The following CGNL1 variants were observed in gnomAD, a reference collection of about 807,000 sequenced individuals.
CGNL1 encodes cingulin like 1.
CGNL1 carries 132 observed loss-of-function variants against 141.2 expected under a neutral mutation model. The ratio of observed to expected loss-of-function variants is 0.93; its 90% confidence interval spans 0.81 to 1.08. The LOEUF (loss-of-function observed/expected upper bound fraction) is 1.08, where lower values mean the gene tolerates loss of function less well. Among genes scored for constraint, CGNL1 ranks in the 50% least tolerant of loss-of-function variants. CGNL1 has a pLI of 0.00. For synonymous variants in CGNL1, 690 were observed against 622.1 expected, an observed-to-expected ratio of 1.11 and a Z score of -1.63; for missense variants, 1,870 against 1,588.6, an observed-to-expected ratio of 1.18 and a Z score of -3.01.
At chr15:57,499,214 G>A (rs1485217526) in intron 8 of CGNL1, among the ~76,000 whole-genome samples, 3 of 150,680 alleles carry the variant, frequency 2.0e-5, no homozygotes, top group Non-Finnish European at 4.4e-5. Context: ...ATAAACTTGG[G>A]AACTCATGAA....
In CGNL1 at chr15:57,526,479, T is replaced by TA. The variant is rs1236126142; in HGVS notation, c.3039+1737dup. On this transcript the variant is annotated intron_variant, in intron 12 of 18. Transcript: ENST00000281282. ...GATTGAGCTGGTTGAAGATCTTGGT[T>TA]AAAAAAAAACCCCAAAAGCTACAGG... Among the ~76,000 whole-genome samples the TA allele has an allele frequency of 4.0e-3, 607 of 151,056 alleles. 6 individuals carry two copies. Among genetic ancestry groups the TA allele is most frequent in the African/African-American group, 0.013 (550 of 41,152 alleles).
intron 8 of CGNL1, among the ~76,000 whole-genome samples, chr15:57,469,385 G>C (rs960351883): frequency 4.0e-5 from 6 of 150,376 alleles, no homozygotes; most frequent in African/African-American, 1.5e-4. Flanking sequence ...TCGTTGGACG[G>C]AGTGTGAGCG....
chr15:57,535,492 C>A (rs1346924895), intron 14 of CGNL1, among the ~76,000 whole-genome samples: 1 of 151,854 alleles, frequency 6.6e-6, no homozygotes, highest in Non-Finnish European at 1.5e-5. Flanking sequence ...AAGGGTAAGA[C>A]GTGAATAAAC....
At chr15:57,524,557 T>G (rs761224737) in intron 11 of CGNL1, 24 bp from the exon 12 acceptor site, 2 of 1,604,372 alleles carry the variant, frequency 1.2e-6, no homozygotes, top group Non-Finnish European at 1.7e-6. Context: ...CAGGGTGGGC[T>G]CACACCCGTG....
intron 8 of CGNL1, among the ~76,000 whole-genome samples, chr15:57,490,314 T>C (rs1283220071): frequency 2.6e-5 from 4 of 152,076 alleles, no homozygotes; most frequent in Admixed American, 2.6e-4. Context: ...TTGAAGATGA[T>C]GTTAACGTGG....
intron 1 of CGNL1, among the ~76,000 whole-genome samples, chr15:57,413,185 C>CTCTT (rs2062809990): frequency 1.3e-5 from 2 of 150,752 alleles, no homozygotes; most frequent in Non-Finnish European, 2.9e-5. Flanking sequence ...TTCTTTCTTT[C>CTCTT]TCTCTTTCTC....
At chr15:57,472,406 G>T (rs943605058) in intron 8 of CGNL1, among the ~76,000 whole-genome samples, 4 of 152,180 alleles carry the variant, frequency 2.6e-5, no homozygotes, top group African/African-American at 9.7e-5. Flanking sequence ...CCGAAGGACA[G>T]ATTTTTAGAG....
rs76748513 is a variant in CGNL1 at position 57,472,082 on chromosome 15, A to G, written c.2403+10190A>G. On this transcript the variant is annotated intron_variant, in intron 8 of 18. Transcript: ENST00000281282. The stretch of plus-strand genomic sequence containing the variant: ...CAAGACCCCCATCTCAGAAAAAAGA[A>G]AAAAATATATACATGTGTAATTCAG... Among the ~76,000 whole-genome samples the G allele has an allele frequency of 6.5e-3, 983 of 152,214 alleles. 13 individuals are homozygous for G. The highest frequency in any genetic ancestry group is 0.022 in the African/African-American group (909 of 41,522).
chr15:57,427,714 G>A (rs12901805), intron 1 of CGNL1, among the ~76,000 whole-genome samples: 15,478 of 152,250 alleles, frequency 0.1, 861 homozygotes, highest in Middle Eastern at 0.19. Flanking sequence ...AGACATCTGC[G>A]AGGATGTTCC....
intron 14 of CGNL1, among the ~76,000 whole-genome samples, chr15:57,541,105 G>A (rs528941058): frequency 1.1e-4 from 17 of 152,360 alleles, no homozygotes; most frequent in East Asian, 9.6e-4. Flanking sequence ...CCCTTACAGC[G>A]TGTCTCATTC....
In CGNL1 at chr15:57,406,775, A is replaced by T. The variant is rs552430095; in HGVS notation, c.-16+30208A>T. Among the ~76,000 whole-genome samples, 6 of 152,328 alleles carry T rather than the reference A, an allele frequency of 3.9e-5. No homozygotes were observed. The East Asian group carries it at 1.2e-3, about 29-fold the overall frequency. On this transcript the variant is annotated intron_variant, in intron 1 of 18. Transcript: ENST00000281282. ...AATCCAGAAAATTTGTAGTGAGTGTACTGAATTATTTGCCAATGATCAATA... is the reference window on the plus strand; with the variant it reads ...AATCCAGAAAATTTGTAGTGAGTGTTCTGAATTATTTGCCAATGATCAATA...
intron 14 of CGNL1, among the ~76,000 whole-genome samples, chr15:57,536,288 T>C (rs1364398790): frequency 1.3e-5 from 2 of 152,224 alleles, no homozygotes; most frequent in Admixed American, 1.3e-4. Flanking sequence ...ATGGGAGCTA[T>C]AATTCAAGAT....
At chr15:57,503,548 G>A (rs1208449936) in intron 8 of CGNL1, among the ~76,000 whole-genome samples, 3 of 152,150 alleles carry the variant, frequency 2.0e-5, no homozygotes, top group Non-Finnish European at 4.4e-5. Context: ...ATCAGCCTGC[G>A]GTGTTCCAGG....
intron 7 of CGNL1, among the ~76,000 whole-genome samples, chr15:57,459,388 A>C (rs1240507765): frequency 6.6e-6 from 1 of 152,244 alleles, no homozygotes; most frequent in Non-Finnish European, 1.5e-5. Flanking sequence ...TAAAATATAT[A>C]GAATGTAAAA....
At chr15:57,530,218 G>A (rs1334429225) in intron 13 of CGNL1, among the ~76,000 whole-genome samples, 1 of 152,232 alleles carries the variant, frequency 6.6e-6, no homozygotes, top group Non-Finnish European at 1.5e-5. Flanking sequence ...TGGTGATTGG[G>A]TTGTTAGGTC....
chr15:57,467,783 G>A (rs1169439732), intron 8 of CGNL1, among the ~76,000 whole-genome samples: 2 of 147,524 alleles, frequency 1.4e-5, no homozygotes, highest in African/African-American at 5.0e-5. Flanking sequence ...TCTGCCTCCT[G>A]GGTTCAAATG....
Position 57,475,492 on chromosome 15 carries a change from G to GGTGT in CGNL1, c.2403+13641_2403+13644dup, listed in dbSNP as rs72168222. 5.3e-3 allele frequency among the ~76,000 whole-genome samples: 782 copies of GGTGT among 147,892 alleles called. 12 individuals are homozygous for GGTGT. The highest frequency in any genetic ancestry group is 0.019 in the African/African-American group (734 of 39,666). Reference sequence around the variant, plus strand: ...CTGGGATCTATGTATATACAAGTGTGGTGTGTGTGTGTGTGTGTGTGTGTG... The same window carrying GGTGT: ...CTGGGATCTATGTATATACAAGTGTGGTGTGTGTGTGTGTGTGTGTGTGTGTGTG... On this transcript the variant is annotated intron_variant, in intron 8 of 18. Transcript: ENST00000281282.
Position 57,504,516 on chromosome 15 carries a change from G to A in CGNL1, c.2404-12264G>A, listed in dbSNP as rs148794634. Among the ~76,000 whole-genome samples the A allele has an allele frequency of 2.6e-3, 391 of 152,340 alleles. 1 individual carries two copies. The highest frequency in any genetic ancestry group is 4.1e-3 in the Non-Finnish European group (277 of 68,038). On this transcript the variant is annotated intron_variant, in intron 8 of 18. Transcript: ENST00000281282. ...TAGTAGGTCTTTACGTGATGTGATAGGCTAGATGATGTTGCAGTAATAAAC... is the reference window on the plus strand; with the variant it reads ...TAGTAGGTCTTTACGTGATGTGATAAGCTAGATGATGTTGCAGTAATAAAC...
At chr15:57,429,985 A>G (rs1045718806) in intron 1 of CGNL1, among the ~76,000 whole-genome samples, 1 of 151,824 alleles carries the variant, frequency 6.6e-6, no homozygotes, top group Non-Finnish European at 1.5e-5. Context: ...TAATTTTTGT[A>G]TTTTTCATAG....
Sources: allele counts gnomAD v4.1 joint callset (sites outside exome capture counted in the v4.1 genomes callset), GRCh38; gene constraint gnomAD v4.1.1; transcripts MANE v1.5; gene names NCBI Gene and HGNC (gene_info 2026-07-23, HGNC 2026-07-21).